The following TTLL7 variants were observed in gnomAD, a reference collection of about 807,000 sequenced individuals.
TTLL7 encodes tubulin polyglutamylase TTLL7.
Under a neutral mutation model 120.2 loss-of-function variants are expected in TTLL7, and 53 were observed. The observed-to-expected ratio is 0.44, with a 90% CI of 0.35 to 0.55. TTLL7 has a LOEUF of 0.55. Ranked by LOEUF, TTLL7 falls within the 20% of genes least tolerant of loss-of-function variation. TTLL7 has a pLI of 0.00. For missense variants in TTLL7, 803 were observed against 1,054.7 expected (o/e 0.76, Z 3.31); for synonymous variants, 353 against 351.7 (o/e 1.00, Z -0.04).
intron 13 of TTLL7, among the ~76,000 whole-genome samples, chr1:83,918,423 A>C (rs894626469): frequency 6.6e-6 from 1 of 152,300 alleles, no homozygotes; most frequent in East Asian, 1.9e-4. Flanking sequence ...TGTATCATTT[A>C]GTTATTTAAG....
chr1:83,997,018 A>T (rs1653544518), intron 1 of TTLL7, among the ~76,000 whole-genome samples: 1 of 152,216 alleles, frequency 6.6e-6, no homozygotes, highest in African/African-American at 2.4e-5. Context: ...ACAAAATGAA[A>T]TGACTTTTAG....
intron 6 of TTLL7, chr1:83,946,115 G>C (rs544387205): frequency 3.3e-5 from 5 of 151,852 alleles, no homozygotes; most frequent in African/African-American, 1.2e-4. Flanking sequence ...GCAGTGGCTC[G>C]ATCTTGGCTC....
intron 10 of TTLL7, among the ~76,000 whole-genome samples, chr1:83,926,868 C>A (rs1016414319): frequency 2.0e-5 from 3 of 152,110 alleles, no homozygotes; most frequent in Admixed American, 2.0e-4. Context: ...GAAAAAGATT[C>A]TTCTTATTAA....
chr1:83,950,562 A>G (rs1402261945), intron 3 of TTLL7, among the ~76,000 whole-genome samples: 1 of 152,212 alleles, frequency 6.6e-6, no homozygotes, highest in East Asian at 1.9e-4. Context: ...GTTTATGCTC[A>G]GAGGAACGTT....
rs1466852573 is a variant in TTLL7 at position 83,865,750 on chromosome 1, A to C, written c.*4212T>G. On this transcript the variant is annotated 3_prime_UTR_variant, in exon 21 of 21. Coordinates refer to ENST00000260505, the MANE Select transcript of TTLL7 (RefSeq NM_024686.6). Reference sequence around the variant, plus strand: ...GATGCAACAACATATTTTATGTTTTATTATTGCTGAGGCAAAATCACACCA... The same window carrying C: ...GATGCAACAACATATTTTATGTTTTCTTATTGCTGAGGCAAAATCACACCA... 6.6e-6 allele frequency: 1 copy of C among 152,012 alleles called. No homozygotes were observed. The highest frequency in any genetic ancestry group is 2.4e-5 in the African/African-American group (1 of 41,454). 9.4% of individuals were successfully genotyped at this position (152,012 alleles called of 1,614,324 possible).
chr1:83,961,251 T>A (rs1181061696), intron 1 of TTLL7, among the ~76,000 whole-genome samples: 2 of 152,094 alleles, frequency 1.3e-5, no homozygotes, highest in Non-Finnish European at 2.9e-5. Context: ...AATAAAAAAA[T>A]TTCAACTGTG....
chr1:83,904,237 A>G (rs1351421696), intron 17 of TTLL7, 78 bp from the exon 18 acceptor site: 4 of 1,037,594 alleles, frequency 3.9e-6, no homozygotes, highest in Non-Finnish European at 5.8e-6. Flanking sequence ...TGAAAGCACT[A>G]TAATATACTT....
intron 1 of TTLL7, chr1:83,981,186 A>G (rs1651918699): frequency 6.6e-6 from 1 of 152,180 alleles, no homozygotes; most frequent in South Asian, 2.1e-4. Flanking sequence ...TGGTACAGAC[A>G]CATCATTTAA....
chr1:83,970,843 T>G (rs1282710024), intron 1 of TTLL7, among the ~76,000 whole-genome samples: 1 of 151,954 alleles, frequency 6.6e-6, no homozygotes, highest in Admixed American at 6.6e-5. Flanking sequence ...AATGACAGCT[T>G]CATGGTGGGT....
chr1:83,991,684 A>G (rs1176667681), intron 1 of TTLL7, among the ~76,000 whole-genome samples: 1 of 152,064 alleles, frequency 6.6e-6, no homozygotes, highest in African/African-American at 2.4e-5. Flanking sequence ...ATGCTACAAA[A>G]TATTCACTGG....
intron 1 of TTLL7, among the ~76,000 whole-genome samples, chr1:83,990,454 C>T (rs1480801768): frequency 3.3e-5 from 5 of 152,192 alleles, no homozygotes; most frequent in South Asian, 2.1e-4. Context: ...GGATTACAGG[C>T]GTGAGCCACC....
chr1:83,911,571 T>C (rs571073830), intron 14 of TTLL7, among the ~76,000 whole-genome samples: 1 of 152,260 alleles, frequency 6.6e-6, no homozygotes, highest in East Asian at 1.9e-4. Flanking sequence ...TTAAATGATA[T>C]AGTCATGATG....
At chr1:83,929,981 A>G (rs981349162) in intron 9 of TTLL7, among the ~76,000 whole-genome samples, 2 of 152,196 alleles carry the variant, frequency 1.3e-5, no homozygotes, top group African/African-American at 2.4e-5. Flanking sequence ...AGACAAAACA[A>G]TTGAAAGCAT....
At position 83,970,663 on chromosome 1, in the gene TTLL7, C is replaced by T. The variant is rs1256522321; in HGVS notation, c.-176-18276G>A. 3.3e-5 allele frequency among the ~76,000 whole-genome samples: 5 copies of T among 152,008 alleles called. 1 individual carries two copies. The highest frequency in any genetic ancestry group is 1.2e-4 in the African/African-American group (5 of 41,408). ...AAGATGTAGTTTTTCTCCTGTCTAC[C>T]TTTTAATTGAGGGTGTTATCCAAGA... On this transcript the variant is annotated intron_variant, in intron 1 of 20. Coordinates refer to ENST00000260505, the MANE Select transcript of TTLL7 (RefSeq NM_024686.6).
rs141642723 is a variant in TTLL7, at chr1:83,953,867, G to A, written c.-176-1480C>T. 9.2e-5 allele frequency among the ~76,000 whole-genome samples: 14 copies of A among 152,112 alleles called. No homozygotes were observed. The East Asian group carries it at 2.7e-3, about 29-fold the overall frequency. ...TTCCAACCCTACTGCAGTACATGCCGCAAGATATGGCCATATTCTGGGAAT... is the reference window on the plus strand; with the variant it reads ...TTCCAACCCTACTGCAGTACATGCCACAAGATATGGCCATATTCTGGGAAT... On this transcript the variant is annotated intron_variant, in intron 1 of 20. Coordinates refer to ENST00000260505, the MANE Select transcript of TTLL7 (RefSeq NM_024686.6).
chr1:83,963,748 AC>A (rs1238707421), intron 1 of TTLL7, among the ~76,000 whole-genome samples: 6 of 152,122 alleles, frequency 3.9e-5, no homozygotes. Context: ...CTGCTGAGCT[AC>A]TATATCAGGG....
intron 1 of TTLL7, among the ~76,000 whole-genome samples, chr1:83,965,244 C>T (rs1025324768): frequency 1.3e-5 from 2 of 152,090 alleles, no homozygotes; most frequent in Non-Finnish European, 2.9e-5. Flanking sequence ...ATAATCCCCA[C>T]GTGTCAAGGG....
intron 10 of TTLL7, among the ~76,000 whole-genome samples, chr1:83,923,685 A>G (rs1010532888): frequency 6.6e-6 from 1 of 152,138 alleles, no homozygotes; most frequent in Non-Finnish European, 1.5e-5. Context: ...TGTCATTCTA[A>G]AAACTATTTG....
At chr1:83,998,581 A>T (rs905474158) in intron 1 of TTLL7, among the ~76,000 whole-genome samples, 1 of 152,184 alleles carries the variant, frequency 6.6e-6, no homozygotes, top group Non-Finnish European at 1.5e-5. Context: ...TGGGAAAACG[A>T]CGGAATTACA....
Sources: gnomAD v4.1 joint callset for allele counts (sites outside exome capture counted in the v4.1 genomes callset) on GRCh38, gnomAD v4.1.1 for gene constraint, MANE v1.5 for transcripts, NCBI Gene and HGNC (gene_info 2026-07-23, HGNC 2026-07-21) for gene names.